Variants in NTM observed in about 807,000 individuals in gnomAD.
NTM encodes the protein IgLON family member 2.
NTM carries 13 observed loss-of-function variants against 42.1 expected under a neutral mutation model. The ratio of observed to expected loss-of-function variants is 0.31; its 90% confidence interval spans 0.20 to 0.49. The LOEUF is 0.49. Among genes scored for constraint, NTM ranks in the 20% least tolerant of loss-of-function variants. The pLI, the probability that NTM is intolerant of heterozygous loss-of-function variation, is 0.99. For missense variants in NTM, 373 were observed against 452.8 expected, an observed-to-expected ratio of 0.82 and a Z score of 1.60; for synonymous variants, 187 against 179.2, an observed-to-expected ratio of 1.04 and a Z score of -0.35.
intron 7 of NTM, among the ~76,000 whole-genome samples, chr11:132,320,898 A>C (rs532106202): frequency 2.0e-5 from 3 of 150,976 alleles, no homozygotes; most frequent in East Asian, 3.9e-4. Context: ...ACTGGGAGGC[A>C]CCCCCCAGCA....
At chr11:132,097,765 G>A (rs904883113) in intron 2 of NTM, among the ~76,000 whole-genome samples, 13 of 152,158 alleles carry the variant, frequency 8.5e-5, no homozygotes, top group African/African-American at 3.1e-4. Flanking sequence ...CAAATACTTG[G>A]ATCTGATAGC....
At chr11:131,591,323 C>T (rs1442434617) in intron 1 of NTM, among the ~76,000 whole-genome samples, 1 of 152,228 alleles carries the variant, frequency 6.6e-6, no homozygotes, top group East Asian at 1.9e-4. Flanking sequence ...TGACTTCCCG[C>T]AGAGACAAGC....
At chr11:131,486,471 C>T (rs751360434) in intron 1 of NTM, among the ~76,000 whole-genome samples, 4 of 152,172 alleles carry the variant, frequency 2.6e-5, no homozygotes, top group Non-Finnish European at 4.4e-5. Flanking sequence ...TGAGGATGCT[C>T]TTCAATGGGG....
At chr11:132,119,496 C>A (rs543131094) in intron 2 of NTM, among the ~76,000 whole-genome samples, 1 of 152,296 alleles carries the variant, frequency 6.6e-6, no homozygotes, top group Non-Finnish European at 1.5e-5. Context: ...GCACCCCTGC[C>A]AGCAGTGATG....
intron 1 of NTM, among the ~76,000 whole-genome samples, chr11:131,611,005 A>T (rs1318863346): frequency 6.6e-6 from 1 of 152,152 alleles, no homozygotes; most frequent in African/African-American, 2.4e-5. Context: ...AGAGATGCTG[A>T]TGTAAATAAT....
intron 1 of NTM, among the ~76,000 whole-genome samples, chr11:131,900,246 G>A (rs756952846): frequency 7.2e-5 from 11 of 152,314 alleles, no homozygotes; most frequent in Non-Finnish European, 1.3e-4. Context: ...AAGAACCTCT[G>A]AGGAATTAGA....
intron 1 of NTM, among the ~76,000 whole-genome samples, chr11:131,556,001 A>C (rs957528106): frequency 6.6e-6 from 1 of 152,194 alleles, no homozygotes; most frequent in African/African-American, 2.4e-5. Context: ...CCAAGGGAAC[A>C]GAGTCAATGG....
intron 1 of NTM, among the ~76,000 whole-genome samples, chr11:131,812,871 G>A (rs1369868786): frequency 1.3e-5 from 2 of 152,168 alleles, no homozygotes; most frequent in African/African-American, 4.8e-5. Context: ...CTTGAGGCAG[G>A]AGCAAAGGAG....
intron 1 of NTM, among the ~76,000 whole-genome samples, chr11:131,781,781 C>A (rs1346498039): frequency 5.3e-5 from 8 of 152,154 alleles, no homozygotes. Context: ...GAAGTGAAGC[C>A]CATGGACCAC....
chr11:131,805,488 G>A (rs974755925), intron 1 of NTM, among the ~76,000 whole-genome samples: 1 of 152,116 alleles, frequency 6.6e-6, no homozygotes, highest in South Asian at 2.1e-4. Context: ...ACTGTTATCC[G>A]ATTATATTAG....
At chr11:131,780,867 G>C (rs778901379) in intron 1 of NTM, among the ~76,000 whole-genome samples, 2 of 152,090 alleles carry the variant, frequency 1.3e-5, no homozygotes, top group Non-Finnish European at 2.9e-5. Context: ...CCTTCTCCTT[G>C]ATGGTTAAAT....
chr11:132,138,218 A>G (rs1422640065), intron 2 of NTM, among the ~76,000 whole-genome samples: 1 of 152,184 alleles, frequency 6.6e-6, no homozygotes, highest in Middle Eastern at 3.2e-3. Flanking sequence ...CTGCCTTCCC[A>G]GAGTTCCACA....
intron 1 of NTM, among the ~76,000 whole-genome samples, chr11:131,545,854 T>C (rs1272362241): frequency 6.6e-6 from 1 of 152,166 alleles, no homozygotes; most frequent in African/African-American, 2.4e-5. Flanking sequence ...CTGCAGTGCC[T>C]TCATGCAAAG....
chr11:131,469,361 C>T (rs1280657292), intron 1 of NTM, among the ~76,000 whole-genome samples: 2 of 152,130 alleles, frequency 1.3e-5, no homozygotes, highest in African/African-American at 4.8e-5. Flanking sequence ...TTATATCTTC[C>T]TCAGCTATGA....
chr11:131,593,933 C>T (rs147770625), intron 1 of NTM, among the ~76,000 whole-genome samples: 1 of 152,126 alleles, frequency 6.6e-6, no homozygotes, highest in Non-Finnish European at 1.5e-5. Context: ...CTGCATGGTG[C>T]CCAGTGGATC....
At chr11:131,948,158 G>A (rs906646073) in intron 2 of NTM, among the ~76,000 whole-genome samples, 5 of 151,834 alleles carry the variant, frequency 3.3e-5, no homozygotes, top group Admixed American at 6.6e-5. Flanking sequence ...TCAGGAGATC[G>A]ATACTATCCT....
chr11:132,260,267 T>TA (rs398115985), intron 4 of NTM, among the ~76,000 whole-genome samples: 9 of 151,574 alleles, frequency 5.9e-5, no homozygotes, highest in Admixed American at 2.0e-4. Context: ...TTTTTTTTTT[T>TA]AAAGATAAGA....
chr11:131,377,108 C>T (rs1011190440), intron 1 of NTM, among the ~76,000 whole-genome samples: 4 of 152,150 alleles, frequency 2.6e-5, no homozygotes, highest in African/African-American at 9.7e-5. Flanking sequence ...TGATGGATGG[C>T]AGGGAAGTAA....
chr11:131,737,602 G>T (rs1409970643), intron 1 of NTM, among the ~76,000 whole-genome samples: 1 of 152,174 alleles, frequency 6.6e-6, no homozygotes, highest in African/African-American at 2.4e-5. Flanking sequence ...GTTTCTGGGG[G>T]AAGATGAATA....
Sources: allele counts gnomAD v4.1 joint callset (sites outside exome capture counted in the v4.1 genomes callset), GRCh38; gene constraint gnomAD v4.1.1; transcripts MANE v1.5; gene names NCBI Gene and HGNC (gene_info 2026-07-23, HGNC 2026-07-21).